NTNG1: variants seen among roughly 807,000 people sequenced by gnomAD.
The protein encoded by NTNG1 is netrin-G1.
In NTNG1, 16 loss-of-function variants were observed where a neutral mutation model predicts 54.0. That is an observed-to-expected ratio of 0.30 (90% CI 0.20 to 0.45). The LOEUF is 0.45. Among genes scored for constraint, NTNG1 ranks in the 20% least tolerant of loss-of-function variants. NTNG1 has a pLI of 1.00. For missense variants in NTNG1, 530 were observed against 678.7 expected (o/e 0.78, Z 2.43); for synonymous variants, 255 against 263.1 (o/e 0.97, Z 0.30).
rs184093789 is a variant in NTNG1, at chr1:107,244,301, T to C, written c.247-79981T>C. On this transcript the variant is annotated intron_variant, in intron 2 of 7. Coordinates refer to ENST00000370068, the MANE Select transcript of NTNG1 (RefSeq NM_001113226.3). The stretch of plus-strand genomic sequence containing the variant: ...AAGTTTGAATGATTTATTTTTCTCT[T>C]ATGCTGCCTGTAACTTCTAAAACTC... Among the ~76,000 whole-genome samples, 359 of 152,366 alleles carry C rather than the reference T, an allele frequency of 2.4e-3. 3 individuals carry two copies. The highest frequency in any genetic ancestry group is 3.8e-3 in the Non-Finnish European group (258 of 68,028).
chr1:107,454,264 C>T (rs571770928), intron 7 of NTNG1, among the ~76,000 whole-genome samples: 69 of 152,284 alleles, frequency 4.5e-4, no homozygotes, highest in African/African-American at 1.6e-3. Context: ...TTATCAGGAA[C>T]AAATGTTTGT....
intron 3 of NTNG1, among the ~76,000 whole-genome samples, chr1:107,326,050 A>G (rs1355867960): frequency 2.6e-5 from 4 of 152,054 alleles, no homozygotes; most frequent in Non-Finnish European, 4.4e-5. Flanking sequence ...TGCCTTACCT[A>G]TGTGTGCTGG....
At chr1:107,349,504 T>A (rs911234763) in intron 3 of NTNG1, among the ~76,000 whole-genome samples, 2 of 152,172 alleles carry the variant, frequency 1.3e-5, no homozygotes, top group African/African-American at 4.8e-5. Flanking sequence ...AAATAGAATA[T>A]TAGCAATATT....
intron 2 of NTNG1, among the ~76,000 whole-genome samples, chr1:107,259,394 A>G (rs1182334903): frequency 2.0e-5 from 3 of 152,228 alleles, no homozygotes; most frequent in Non-Finnish European, 4.4e-5. Context: ...AAGGATCACC[A>G]GTGTTAGGAA....
intron 3 of NTNG1, among the ~76,000 whole-genome samples, chr1:107,389,993 T>C (rs769269898): frequency 6.6e-6 from 1 of 152,158 alleles, no homozygotes; most frequent in Non-Finnish European, 1.5e-5. Flanking sequence ...CACCAGGAAT[T>C]GACAGCAATC....
chr1:107,357,705 AT>A (rs145981770), intron 3 of NTNG1, among the ~76,000 whole-genome samples: 13,456 of 151,668 alleles, frequency 0.089, 702 homozygotes, highest in Admixed American at 0.14. Context: ...AATTGTAAAT[AT>A]TTTTTTTTCA....
intron 7 of NTNG1, among the ~76,000 whole-genome samples, chr1:107,452,560 G>T (rs1570991414): frequency 6.6e-6 from 1 of 152,150 alleles, no homozygotes; most frequent in East Asian, 1.9e-4. Context: ...CTCATGAATG[G>T]CTACTAGTGC....
intron 4 of NTNG1, among the ~76,000 whole-genome samples, chr1:107,402,685 G>C (rs1413975666): frequency 6.6e-6 from 1 of 152,110 alleles, no homozygotes; most frequent in African/African-American, 2.4e-5. Context: ...ATCAACAGCA[G>C]TTTATACTAG....
chr1:107,333,133 T>C (rs1389987553), intron 3 of NTNG1, among the ~76,000 whole-genome samples: 2 of 152,004 alleles, frequency 1.3e-5, no homozygotes, highest in Non-Finnish European at 2.9e-5. Flanking sequence ...AGACAACTGA[T>C]ATTGTGCTAT....
At chr1:107,291,087 T>G (rs1665573955) in intron 2 of NTNG1, among the ~76,000 whole-genome samples, 1 of 151,200 alleles carries the variant, frequency 6.6e-6, no homozygotes, top group South Asian at 2.1e-4. Flanking sequence ...TACACAGATT[T>G]TTTTCTACCT....
At chr1:107,287,532 G>A (rs1190322658) in intron 2 of NTNG1, among the ~76,000 whole-genome samples, 2 of 152,136 alleles carry the variant, frequency 1.3e-5, no homozygotes, top group Non-Finnish European at 2.9e-5. Context: ...AGGATTTCTC[G>A]AGCCCAGGAG....
chr1:107,310,322 T>C (rs1328669826), intron 2 of NTNG1, among the ~76,000 whole-genome samples: 1 of 152,192 alleles, frequency 6.6e-6, no homozygotes, highest in Non-Finnish European at 1.5e-5. Context: ...AGTTTCAAAA[T>C]GATACAGCTT....
chr1:107,460,355 A>T (rs546920419), intron 7 of NTNG1: 3 of 518,356 alleles, frequency 5.8e-6, no homozygotes, highest in East Asian at 5.5e-5. Flanking sequence ...AGGTGAGCTC[A>T]TTTCTCCTCA....
At chr1:107,212,644 T>C (rs1659672762) in intron 2 of NTNG1, among the ~76,000 whole-genome samples, 1 of 152,172 alleles carries the variant, frequency 6.6e-6, no homozygotes, top group Admixed American at 6.5e-5. Flanking sequence ...AGTAGTGAAT[T>C]ATTCATTGGA....
intron 2 of NTNG1, among the ~76,000 whole-genome samples, chr1:107,219,851 C>A (rs553327931): frequency 6.6e-6 from 1 of 152,202 alleles, no homozygotes; most frequent in South Asian, 2.1e-4. Flanking sequence ...TTGTTAAGTG[C>A]ACTGGTTTTG....
intron 3 of NTNG1, among the ~76,000 whole-genome samples, chr1:107,377,342 GAA>G (rs559486410): frequency 7.4e-4 from 113 of 152,270 alleles, no homozygotes; most frequent in African/African-American, 2.6e-3. Context: ...TGGCTCCAGA[GAA>G]AGAGAAGAGA....
At chr1:107,203,574 CTGTG>C (rs56271895) in intron 2 of NTNG1, among the ~76,000 whole-genome samples, 25,893 of 149,942 alleles carry the variant, frequency 0.17, 2,703 homozygotes, top group East Asian at 0.45. Flanking sequence ...TATATAGTTA[CTGTG>C]TGTGTGTGTG....
chr1:107,452,189 G>C lies in NTNG1; in HGVS notation c.1390+15390G>C, dbSNP rs577821293. Among the ~76,000 whole-genome samples, 3 of 152,194 alleles carry C rather than the reference G, an allele frequency of 2.0e-5. No individual in the cohort carries two copies. In the South Asian group the frequency reaches 6.2e-4, roughly 32 times the overall value. On this transcript the variant is annotated intron_variant, in intron 7 of 7. Transcript: ENST00000370068. ...ACCTCCATAAATTACAGCTATTATTGGTATTACTGTACTATAATCAAGTGG... is the reference window on the plus strand; with the variant it reads ...ACCTCCATAAATTACAGCTATTATTCGTATTACTGTACTATAATCAAGTGG...
At chr1:107,388,814 G>A (rs1196006040) in intron 3 of NTNG1, among the ~76,000 whole-genome samples, 1 of 152,222 alleles carries the variant, frequency 6.6e-6, no homozygotes, top group African/African-American at 2.4e-5. Flanking sequence ...GGAAATTCAT[G>A]TGTCTATGTA....
Sources: gnomAD v4.1 joint callset for allele counts (sites outside exome capture counted in the v4.1 genomes callset) on GRCh38, gnomAD v4.1.1 for gene constraint, MANE v1.5 for transcripts, NCBI Gene and HGNC (gene_info 2026-07-23, HGNC 2026-07-21) for gene names.